LOC128092252: variants seen among roughly 807,000 people sequenced by gnomAD.
At chr15:50,677,752 AAAAAAAAAC>A in the LOC128092252 span, among the ~76,000 whole-genome samples, 21 of 133,218 alleles carry the variant, frequency 1.6e-4, no homozygotes, top group African/African-American at 4.9e-4. Context: ...AAAAAAAAAA[AAAAAAAAAC>A]AAAAGGTAAC....
At chr15:50,686,707 G>A in the LOC128092252 span, 3 of 825,898 alleles carry the variant, frequency 3.6e-6, no homozygotes, top group South Asian at 1.9e-5. Context: ...AGCAGAAGCC[G>A]AGTCTTTCAT....
chr15:50,679,474 T>TTA, the LOC128092252 span, among the ~76,000 whole-genome samples: 52 of 121,228 alleles, frequency 4.3e-4, no homozygotes, highest in South Asian at 7.0e-4. Flanking sequence ...TTTATTTCAT[T>TTA]TATATATATA....
At chr15:50,667,127 C>T in the LOC128092252 span, among the ~76,000 whole-genome samples, 22,111 of 151,934 alleles carry the variant, frequency 0.15, 2,210 homozygotes, top group Admixed American at 0.28. Flanking sequence ...ATTGATTGGC[C>T]GACTCTGGGG....
chr15:50,675,574 T>TA, the LOC128092252 span, among the ~76,000 whole-genome samples: 7 of 151,770 alleles, frequency 4.6e-5, no homozygotes, highest in Admixed American at 1.3e-4. Context: ...CACCTAATGA[T>TA]AAAAAAAAGT....
chr15:50,679,737 G>A, the LOC128092252 span, among the ~76,000 whole-genome samples: 5 of 150,510 alleles, frequency 3.3e-5, no homozygotes, highest in South Asian at 4.2e-4. Flanking sequence ...GGTTATCTAC[G>A]TTGGCCAGGC....
chr15:50,671,846 A>C, the LOC128092252 span, among the ~76,000 whole-genome samples: 5 of 152,240 alleles, frequency 3.3e-5, no homozygotes, highest in East Asian at 1.9e-4. Flanking sequence ...CGCAGCCATC[A>C]TAAGTTCATA....
chr15:50,661,481 T>C, the LOC128092252 span, among the ~76,000 whole-genome samples: 1 of 152,242 alleles, frequency 6.6e-6, no homozygotes, highest in Non-Finnish European at 1.5e-5. Flanking sequence ...GTTTTTTAAA[T>C]GTATCATATA....
the LOC128092252 span, among the ~76,000 whole-genome samples, chr15:50,649,993 G>A: frequency 2.4e-4 from 37 of 151,266 alleles, no homozygotes; most frequent in Admixed American, 5.3e-4. Flanking sequence ...TCAGGAGTTC[G>A]ATACCATCCT....
chr15:50,659,025 C>A, the LOC128092252 span, among the ~76,000 whole-genome samples: 44 of 151,940 alleles, frequency 2.9e-4, no homozygotes, highest in African/African-American at 1.1e-3. Flanking sequence ...AGTGAAACCC[C>A]GTCTCTACTA....
At chr15:50,685,950 A>G in the LOC128092252 span, among the ~76,000 whole-genome samples, 1 of 152,158 alleles carries the variant, frequency 6.6e-6, no homozygotes, top group Non-Finnish European at 1.5e-5. Context: ...AAAAAGATCT[A>G]CCATCAATAT....
chr15:50,678,506 TAAAA>T, the LOC128092252 span, among the ~76,000 whole-genome samples: 672 of 128,730 alleles, frequency 5.2e-3, 2 homozygotes, highest in Admixed American at 0.018. Flanking sequence ...TTCCATTCTT[TAAAA>T]AAAAAAAATA....
At chr15:50,672,898 CAAAAA>C in the LOC128092252 span, among the ~76,000 whole-genome samples, 212 of 26,134 alleles carry the variant, frequency 8.1e-3, no homozygotes, top group South Asian at 0.026. Context: ...GACTCTGTCT[CAAAAA>C]AAAAAAAAAA....
the LOC128092252 span, chr15:50,648,864 G>A: frequency 1.9e-6 from 3 of 1,609,306 alleles, no homozygotes; most frequent in Non-Finnish European, 2.5e-6. Flanking sequence ...CATGTTGCTT[G>A]ACCAAGCGAC....
At chr15:50,667,259 C>G in the LOC128092252 span, among the ~76,000 whole-genome samples, 7 of 152,130 alleles carry the variant, frequency 4.6e-5, no homozygotes, top group East Asian at 1.3e-3. Context: ...ACGCTTTCCT[C>G]GCCCTGTTCC....
chr15:50,663,256 G>A, the LOC128092252 span, among the ~76,000 whole-genome samples: 5 of 152,106 alleles, frequency 3.3e-5, no homozygotes, highest in South Asian at 1.0e-3. Context: ...AGCCTCCCGG[G>A]TAGCTGGCAG....
At chr15:50,681,993 C>A in the LOC128092252 span, among the ~76,000 whole-genome samples, 1 of 151,982 alleles carries the variant, frequency 6.6e-6, no homozygotes, top group East Asian at 1.9e-4. Flanking sequence ...GCCTGGCCAA[C>A]ATGGGGAAAC....
chr15:50,660,533 T>C, the LOC128092252 span, among the ~76,000 whole-genome samples: 7 of 152,142 alleles, frequency 4.6e-5, no homozygotes, highest in African/African-American at 1.7e-4. Context: ...CGCATGCCTA[T>C]AGTCCCAGCT....
At chr15:50,657,759 G>A in the LOC128092252 span, 27 of 1,602,414 alleles carry the variant, frequency 1.7e-5, no homozygotes, top group South Asian at 3.4e-5. Flanking sequence ...AAATTTGTGC[G>A]GTATAGTTAT....
At chr15:50,676,670 A>C in the LOC128092252 span, among the ~76,000 whole-genome samples, 2 of 152,128 alleles carry the variant, frequency 1.3e-5, no homozygotes, top group African/African-American at 4.8e-5. Context: ...AATGGTATTG[A>C]GTGAGTTTCC....
Sources: allele counts gnomAD v4.1 joint callset (sites outside exome capture counted in the v4.1 genomes callset), GRCh38; gene constraint gnomAD v4.1.1; transcripts MANE v1.5.